The following GPR50 variants were observed in gnomAD, a reference collection of about 807,000 sequenced individuals.
GPR50 encodes the protein melatonin-related receptor.
GPR50 carries 1 observed loss-of-function variant against 2.6 expected under a neutral mutation model. The ratio of observed to expected loss-of-function variants is 0.38; its 90% confidence interval spans 0.13 to 1.79. GPR50 has a LOEUF of 1.79. Among genes scored for constraint, GPR50 ranks in the 40% most tolerant of loss-of-function variants. The pLI is 0.33. For synonymous variants in GPR50, 233 were observed against 202.3 expected, an observed-to-expected ratio of 1.15 and a Z score of -1.29; for missense variants, 535 against 522.1, an observed-to-expected ratio of 1.02 and a Z score of -0.24.
chrX:151,180,722 A>G lies in GPR50; in HGVS notation c.1139A>G (p.Asp380Gly), dbSNP rs1243956072. 4.1e-6 allele frequency: 5 copies of G among 1,208,397 alleles called. No individual in the cohort carries two copies. In the African/African-American group the frequency reaches 8.8e-5, roughly 21 times the overall value. The change falls in exon 2 of 2, where the codon GAC (aspartate) becomes GGC (glycine). Residue 380 changes from aspartate to glycine, a missense_variant. By Grantham distance (94) the Asp-to-Gly change is moderately conservative. Transcript: ENST00000218316. ...GGTGATGCTGCAGCTGGCCACCCCG[A>G]CCGTGCCTCTGGCCACCCTAAGCCC... Reference protein sequence around the residue: ...LPGDAAAGHPDRASGHPKPHS... With the variant: ...LPGDAAAGHPGRASGHPKPHS...
chrX:151,180,676 G>T lies in GPR50; in HGVS notation c.1093G>T (p.Val365Phe). The T allele has an allele frequency of 8.3e-7, 1 of 1,211,421 alleles. No individual in the cohort carries two copies. The highest frequency in any genetic ancestry group is 1.1e-6 in the Non-Finnish European group (1 of 895,453). Residue 365 changes from valine (V) to phenylalanine (F), a missense_variant, in exon 2 of 2, where the codon GTC becomes TTC. Val to Phe is a conservative substitution (Grantham distance 50). Transcript: ENST00000218316. The part of the protein sequence containing the change: ...CPAVEETPMN[V>F]RNVPLPGDAA... ...TGCTGTGGAGGAAACCCCGATGAAT[G>T]TCCGGAATGTTCCATTACCTGGTGA...
intron 1 of GPR50, chrX:151,177,248 G>A: frequency 6.1e-6 from 1 of 163,313 alleles, no homozygotes; most frequent in Non-Finnish European, 1.2e-5. Context: ...CCCGGGGACA[G>A]CAAGCCGAGC....
chrX:151,180,444 C>T lies in GPR50; in HGVS notation c.861C>T (p.Ser287=), dbSNP rs2048705474. Residue 287 remains serine (S), a synonymous_variant, in exon 2 of 2, where the codon AGC becomes AGT. Transcript: ENST00000218316. ...LAAYFIAYFN[S]CLNAVIYGLL... is the part of the protein sequence containing the mutation. ...CCTACTTCATAGCCTACTTCAACAG[C>T]TGCCTCAACGCTGTGATCTACGGGC... The T allele has an allele frequency of 8.3e-7, 1 of 1,211,372 alleles. No individual in the cohort carries two copies. The highest frequency in any genetic ancestry group is 1.7e-5 in the African/African-American group (1 of 57,789).
chrX:151,176,600 T>A lies in GPR50; in HGVS notation c.-122T>A. ...GGGCGGGATGCTGTCATTTGCTCTC[T>A]GACTCTCAGAGAGGGAGGCACGCTT... On this transcript the variant is annotated 5_prime_UTR_variant, in exon 1 of 2. Coordinates refer to ENST00000218316, the MANE Select transcript of GPR50 (RefSeq NM_004224.3). 1 of 468,273 alleles carries A rather than the reference T, an allele frequency of 2.1e-6. No individual in the cohort carries two copies. Among genetic ancestry groups the A allele is most frequent in the Non-Finnish European group, 3.7e-6 (1 of 273,332 alleles). 38.6% of individuals were successfully genotyped at this position (468,273 alleles called of 1,213,427 possible).
In GPR50 at chrX:151,180,772, C is replaced by T. The variant is rs768242890; in HGVS notation, c.1189C>T (p.Arg397Cys). 9.1e-6 allele frequency: 11 copies of T among 1,210,264 alleles called. No individual in the cohort carries two copies. Among genetic ancestry groups the T allele is most frequent in the South Asian group, 1.8e-5 (1 of 56,864 alleles). The change falls in exon 2 of 2, where the codon CGC becomes TGC. Residue 397 changes from arginine (R) to cysteine (C), a missense_variant. Coordinates refer to ENST00000218316, the MANE Select transcript of GPR50 (RefSeq NM_004224.3). ...CCATTCCAGATCCTCCTCTGCCTAT[C>T]GCAAATCTGCCTCTACCCACCACAA... ...KPHSRSSSAY[R>C]KSASTHHKSV... is the part of the protein sequence containing the mutation.
intron 1 of GPR50, among the ~76,000 whole-genome samples, chrX:151,179,050 C>G (rs1447001699): frequency 9.9e-6 from 1 of 101,513 alleles, no homozygotes; most frequent in Non-Finnish European, 2.0e-5. Flanking sequence ...TTCTCCTCCC[C>G]CCCACCCCCG....
Position 151,177,192 on chromosome X carries a change from T to G in GPR50, c.187+284T>G, listed in dbSNP as rs1276326087. On this transcript the variant is annotated intron_variant, in intron 1 of 1. Coordinates refer to ENST00000218316, the MANE Select transcript of GPR50 (RefSeq NM_004224.3). Reference sequence around the variant, plus strand: ...CGAGGATCCCTGTCCCGTCGGGGCCTGATGCGGAGGGAGCCGGCACCCGAG... The same window carrying G: ...CGAGGATCCCTGTCCCGTCGGGGCCGGATGCGGAGGGAGCCGGCACCCGAG... Among the ~76,000 whole-genome samples the G allele has an allele frequency of 6.2e-5, 7 of 112,460 alleles. No individual in the cohort carries two copies. The South Asian group carries it at 1.1e-3, about 18-fold the overall frequency.
At position 151,180,732 on chromosome X, in the gene GPR50, T is replaced by C; in HGVS notation, c.1149T>C (p.Ser383=). The C allele has an allele frequency of 8.3e-7, 1 of 1,211,203 alleles. No homozygotes were observed. The highest frequency in any genetic ancestry group is 1.1e-6 in the Non-Finnish European group (1 of 895,076). The part of the protein sequence containing the change: ...DAAAGHPDRA[S]GHPKPHSRSS... ...CAGCTGGCCACCCCGACCGTGCCTC[T>C]GGCCACCCTAAGCCCCATTCCAGAT... Residue 383 remains serine, a synonymous_variant, in exon 2 of 2, where the codon TCT becomes TCC. Coordinates refer to ENST00000218316, the MANE Select transcript of GPR50 (RefSeq NM_004224.3).
rs767243441 is a variant in GPR50 at position 151,181,444 on chromosome X, C to G, written c.*7C>G. The G allele has an allele frequency of 8.6e-7, 1 of 1,156,334 alleles. No homozygotes were observed. Among genetic ancestry groups the G allele is most frequent in the Non-Finnish European group, 1.2e-6 (1 of 862,735 alleles). On this transcript the variant is annotated 3_prime_UTR_variant, in exon 2 of 2. Coordinates refer to ENST00000218316, the MANE Select transcript of GPR50 (RefSeq NM_004224.3). ...TGATGAAATGGCTGTGTGAAAAATG[C>G]TCTCGTAGGTGGCCAGGCAGTGGTC...
chrX:151,176,804 T>A lies in GPR50; in HGVS notation c.83T>A (p.Ile28Asn), dbSNP rs2048681957. 8.3e-7 allele frequency: 1 copy of A among 1,203,879 alleles called. No individual in the cohort carries two copies. The highest frequency in any genetic ancestry group is 1.1e-6 in the Non-Finnish European group (1 of 888,972). ...CAGCCAGAATACCCACCGGCTCTAATCATCTTTATGTTCTGCGCGATGGTT... is the reference window on the plus strand; with the variant it reads ...CAGCCAGAATACCCACCGGCTCTAAACATCTTTATGTTCTGCGCGATGGTT... Reference protein sequence around the residue: ...LPQPEYPPALIIFMFCAMVIT... With the variant: ...LPQPEYPPALNIFMFCAMVIT... Residue 28 changes from isoleucine (I) to asparagine (N), a missense_variant, in exon 1 of 2, where the codon ATC (isoleucine) becomes AAC (asparagine). Coordinates refer to ENST00000218316, the MANE Select transcript of GPR50 (RefSeq NM_004224.3).
At chrX:151,182,113 G>A (rs2048718389), downstream of GPR50, among the ~76,000 whole-genome samples, 2 of 112,415 alleles carry the variant, frequency 1.8e-5, no homozygotes, top group South Asian at 7.4e-4. Flanking sequence ...AAAGATATGG[G>A]CACACCAAAT....
At position 151,181,141 on chromosome X, in the gene GPR50, T is replaced by A. The variant is rs767714298; in HGVS notation, c.1558T>A (p.Tyr520Asn). Residue 520 changes from tyrosine to asparagine, a missense_variant, in exon 2 of 2, where the codon TAT becomes AAT. Tyr to Asn is a moderately radical substitution (Grantham distance 143). Transcript: ENST00000218316. ...TSHAEPTTAD[Y>N]PKPATTSHPK... ...CCATGCTGAGCCCACCACTGCTGAC[T>A]ATCCCAAGCCTGCCACTACCAGCCA... The A allele has an allele frequency of 9.9e-6, 12 of 1,207,131 alleles. No individual in the cohort carries two copies. Among genetic ancestry groups the A allele is most frequent in the Non-Finnish European group, 1.0e-5 (9 of 893,913 alleles).
chrX:151,181,198 C>A lies in GPR50; in HGVS notation c.1615C>A (p.Leu539Ile). The A allele has an allele frequency of 8.3e-7, 1 of 1,210,888 alleles. No homozygotes were observed. The highest frequency in any genetic ancestry group is 1.1e-6 in the Non-Finnish European group (1 of 894,773). The change falls in exon 2 of 2, where the codon CTC (leucine) becomes ATC (isoleucine). Residue 539 changes from leucine (L) to isoleucine (I), a missense_variant. Physicochemically the swap from Leu to Ile is conservative, Grantham distance 5. Coordinates refer to ENST00000218316, the MANE Select transcript of GPR50 (RefSeq NM_004224.3). ...GCCCACTGCTGCTGACAACCCTGAG[C>A]TCTCTGCCTCCCATTGCCCCGAGAT... The part of the protein sequence containing the change: ...PKPTAADNPE[L>I]SASHCPEIPA...
chrX:151,179,099 C>T (rs931076505), intron 1 of GPR50, among the ~76,000 whole-genome samples: 11 of 96,325 alleles, frequency 1.1e-4, no homozygotes, highest in African/African-American at 3.8e-4. Context: ...CCTCTCACTA[C>T]TTCTTTGGTC....
rs1256061059 is a variant in GPR50, at chrX:151,176,893, A to G, written c.172A>G (p.Lys58Glu). 2 of 1,201,592 alleles carry G rather than the reference A, an allele frequency of 1.7e-6. No individual in the cohort carries two copies. Among genetic ancestry groups the G allele is most frequent in the South Asian group, 1.8e-5 (1 of 55,861 alleles). ...MVILAVTKNK[K>E]LRNSGNIFVV... is the part of the protein sequence containing the mutation. Reference sequence around the variant, plus strand: ...CATTTTGGCTGTGACGAAGAACAAGAAGCTCCGGAATTCTGGTAAGCCACC... The same window carrying G: ...CATTTTGGCTGTGACGAAGAACAAGGAGCTCCGGAATTCTGGTAAGCCACC... Residue 58 changes from lysine (K) to glutamate (E), a missense_variant, in exon 1 of 2, where the codon AAG (lysine) becomes GAG (glutamate). Coordinates refer to ENST00000218316, the MANE Select transcript of GPR50 (RefSeq NM_004224.3).
At position 151,180,186 on chromosome X, in the gene GPR50, C is replaced by T. The variant is rs188225608; in HGVS notation, c.603C>T (p.Leu201=). ...TIVCIHFVLP[L]LIVGFCYVRI... Reference sequence around the variant, plus strand: ...TCTGCATCCACTTCGTCCTCCCTCTCCTCATCGTGGGTTTCTGCTACGTGA... The same window carrying T: ...TCTGCATCCACTTCGTCCTCCCTCTTCTCATCGTGGGTTTCTGCTACGTGA... Residue 201 remains leucine (L), a synonymous_variant, in exon 2 of 2, where the codon CTC becomes CTT. Coordinates refer to ENST00000218316, the MANE Select transcript of GPR50 (RefSeq NM_004224.3). The T allele has an allele frequency of 4.0e-5, 48 of 1,204,249 alleles. No homozygotes were observed. In the East Asian group the frequency reaches 1.3e-3, roughly 33 times the overall value.
rs781719205 is a variant in GPR50, at chrX:151,180,820, G to A, written c.1237G>A (p.Ala413Thr). 1 of 1,209,943 alleles carries A rather than the reference G, an allele frequency of 8.3e-7. No individual in the cohort carries two copies. Among genetic ancestry groups the A allele is most frequent in the South Asian group, 1.8e-5 (1 of 56,856 alleles). ...CAAGTCTGTCTTTAGCCACTCCAAGGCTGCCTCTGGTCACCTCAAGCCTGT... is the reference window on the plus strand; with the variant it reads ...CAAGTCTGTCTTTAGCCACTCCAAGACTGCCTCTGGTCACCTCAAGCCTGT... Reference protein sequence around the residue: ...HHKSVFSHSKAASGHLKPVSG... With the variant: ...HHKSVFSHSKTASGHLKPVSG... The change falls in exon 2 of 2, where the codon GCT becomes ACT. Residue 413 changes from alanine to threonine, a missense_variant. Coordinates refer to ENST00000218316, the MANE Select transcript of GPR50 (RefSeq NM_004224.3).
chrX:151,179,923 G>A lies in GPR50; in HGVS notation c.340G>A (p.Gly114Ser), dbSNP rs772438504. 10 of 1,209,018 alleles carry A rather than the reference G, an allele frequency of 8.3e-6. No homozygotes were observed. In the East Asian group the frequency reaches 1.8e-4, roughly 22 times the overall value. Residue 114 changes from glycine (G) to serine (S), a missense_variant, in exon 2 of 2, where the codon GGC becomes AGC. Gly to Ser is a moderately conservative substitution (Grantham distance 56). Coordinates refer to ENST00000218316, the MANE Select transcript of GPR50 (RefSeq NM_004224.3). The stretch of plus-strand genomic sequence containing the variant: ...GTTCATCACAGGGCTGAGTGTGGTC[G>A]GCTCCATCTTCAACATCGTGGCAAT... ...VGFITGLSVVGSIFNIVAIAI... is the reference protein window; with the variant it reads ...VGFITGLSVVSSIFNIVAIAI...
At position 151,180,803 on chromosome X, in the gene GPR50, T is replaced by A. The variant is rs1249628497; in HGVS notation, c.1220T>A (p.Val407Asp). ...RKSASTHHKSVFSHSKAASGH... is the reference protein window; with the variant it reads ...RKSASTHHKSDFSHSKAASGH... ...TCTGCCTCTACCCACCACAAGTCTGTCTTTAGCCACTCCAAGGCTGCCTCT... is the reference window on the plus strand; with the variant it reads ...TCTGCCTCTACCCACCACAAGTCTGACTTTAGCCACTCCAAGGCTGCCTCT... Residue 407 changes from valine (V) to aspartate (D), a missense_variant, in exon 2 of 2, where the codon GTC (valine) becomes GAC (aspartate). Physicochemically the swap from Val to Asp is radical, Grantham distance 152 (BLOSUM62 -3). Coordinates refer to ENST00000218316, the MANE Select transcript of GPR50 (RefSeq NM_004224.3). The A allele has an allele frequency of 2.3e-5, 28 of 1,210,926 alleles. No homozygotes were observed. The highest frequency in any genetic ancestry group is 3.0e-5 in the Non-Finnish European group (27 of 895,233).
Sources: gnomAD v4.1 joint callset for allele counts (sites outside exome capture counted in the v4.1 genomes callset) on GRCh38, gnomAD v4.1.1 for gene constraint, MANE v1.5 for transcripts, NCBI Gene and HGNC (gene_info 2026-07-23, HGNC 2026-07-21) for gene names.